INSC: variants seen among roughly 807,000 people sequenced by gnomAD.
INSC encodes the protein protein inscuteable homolog.
INSC carries 67 observed loss-of-function variants against 58.6 expected under a neutral mutation model. That is an observed-to-expected ratio of 1.14 (90% confidence interval 0.94 to 1.40). The LOEUF is 1.40. INSC is among the 40% of genes most tolerant of loss of function. The pLI is 0.00. For missense variants in INSC, 714 were observed against 692.0 expected (o/e 1.03, Z -0.36); for synonymous variants, 262 against 276.1 (o/e 0.95, Z 0.51).
At chr11:15,167,642 A>G (rs1849248413) in intron 2 of INSC, among the ~76,000 whole-genome samples, 1 of 151,592 alleles carries the variant, frequency 6.6e-6, no homozygotes, top group Non-Finnish European at 1.5e-5. Context: ...GCTAATTATT[A>G]TTAATAATAA....
intron 7 of INSC, among the ~76,000 whole-genome samples, chr11:15,212,136 CTG>C (rs1851050860): frequency 6.6e-6 from 1 of 152,052 alleles, no homozygotes; most frequent in South Asian, 2.1e-4. Context: ...GAGTCTCACT[CTG>C]TCGCCCAGGC....
At chr11:15,200,766 A>G in intron 6 of INSC, 58 bp from the exon 7 acceptor site, 1 of 1,607,026 alleles carries the variant, frequency 6.2e-7, no homozygotes, top group South Asian at 1.1e-5. Context: ...CTTATTCTTG[A>G]GTTAGCCCCA....
rs966189592 is a variant in INSC, at chr11:15,246,190, G to A, written c.*150G>A. On this transcript the variant is annotated 3_prime_UTR_variant, in exon 13 of 13. Transcript: ENST00000379556. ...GAAATAAATGGAGGACAAAATCTTA[G>A]AGCAACATCATCAAACAGTCTTTGG... 1.4e-6 allele frequency: 1 copy of A among 706,782 alleles called. No individual in the cohort carries two copies. The allele number at this position is 706,782 out of a possible 1,614,324, so 43.8% of individuals were successfully genotyped here.
intron 8 of INSC, among the ~76,000 whole-genome samples, chr11:15,223,887 G>A (rs1330486649): frequency 1.3e-5 from 2 of 152,204 alleles, no homozygotes; most frequent in East Asian, 1.9e-4. Flanking sequence ...TGGGCTGTGG[G>A]GAGCAACATT....
At chr11:15,145,778 C>A (rs1302973894) in intron 1 of INSC, among the ~76,000 whole-genome samples, 1 of 152,158 alleles carries the variant, frequency 6.6e-6, no homozygotes, top group African/African-American at 2.4e-5. Flanking sequence ...TGAGGGCTGG[C>A]ACTAGGTGAA....
At chr11:15,159,931 T>C (rs1848956502) in intron 2 of INSC, among the ~76,000 whole-genome samples, 1 of 152,214 alleles carries the variant, frequency 6.6e-6, no homozygotes, top group South Asian at 2.1e-4. Context: ...GACAGCAGCA[T>C]AGGTTATTAT....
chr11:15,126,590 G>A (rs1387877057), intron 1 of INSC, among the ~76,000 whole-genome samples: 1 of 152,170 alleles, frequency 6.6e-6, no homozygotes, highest in Non-Finnish European at 1.5e-5. Flanking sequence ...CACAGTAGGG[G>A]CATATATTGT....
chr11:15,258,117 C>T, the INSC span, among the ~76,000 whole-genome samples: 113,751 of 152,130 alleles, frequency 0.75, 42,645 homozygotes, highest in Middle Eastern at 0.81. Flanking sequence ...AGTAGACATA[C>T]GGGTGTTTGT....
At chr11:15,173,271 A>G (rs763678340) in intron 2 of INSC, among the ~76,000 whole-genome samples, 4 of 152,232 alleles carry the variant, frequency 2.6e-5, no homozygotes, top group East Asian at 1.9e-4. Context: ...ATGTGTATAT[A>G]CTATGGTCAT....
the INSC span, among the ~76,000 whole-genome samples, chr11:15,255,803 G>A: frequency 6.6e-6 from 1 of 151,302 alleles, no homozygotes; most frequent in African/African-American, 2.4e-5. Flanking sequence ...AAACTGTGCA[G>A]CCCAAATATA....
At chr11:15,119,555 G>T (rs1847818141) in intron 1 of INSC, among the ~76,000 whole-genome samples, 1 of 152,214 alleles carries the variant, frequency 6.6e-6, no homozygotes. Context: ...CTGGGTAGTT[G>T]TGTATACTGT....
chr11:15,113,119 CTCTT>C (rs746409775), upstream of INSC, among the ~76,000 whole-genome samples: 845 of 73,290 alleles, frequency 0.012, 15 homozygotes, highest in Middle Eastern at 0.019. Context: ...TTCTCTCTCT[CTCTT>C]TCTTTCTTTC....
At position 15,210,218 on chromosome 11, in the gene INSC, C is replaced by T. The variant is rs910954933; in HGVS notation, c.819+9269C>T. ...CATTTGCCACTGATTTGCTAAGTGACCACAGGGAAGTTTTCTAATCCCTAT... is the reference window on the plus strand; with the variant it reads ...CATTTGCCACTGATTTGCTAAGTGATCACAGGGAAGTTTTCTAATCCCTAT... On this transcript the variant is annotated intron_variant, in intron 7 of 12. Coordinates refer to ENST00000379556, the MANE Select transcript of INSC (RefSeq NM_001042536.3). Among the ~76,000 whole-genome samples the T allele has an allele frequency of 7.9e-5, 12 of 152,290 alleles. No individual in the cohort carries two copies. The East Asian group carries it at 1.9e-3, about 25-fold the overall frequency.
intron 9 of INSC, among the ~76,000 whole-genome samples, chr11:15,229,991 ATATATATATAT>A (rs1183319206): frequency 7.0e-5 from 2 of 28,494 alleles, no homozygotes; most frequent in Admixed American, 1.3e-3. Context: ...ATATATATAT[ATATATATATAT>A]ATATATATAT....
chr11:15,124,168 C>A (rs1367760930), intron 1 of INSC, among the ~76,000 whole-genome samples: 1 of 152,210 alleles, frequency 6.6e-6, no homozygotes, highest in East Asian at 1.9e-4. Context: ...AAGGCTAATG[C>A]ATTATCTTCA....
At chr11:15,261,224 T>G in the INSC span, among the ~76,000 whole-genome samples, 1 of 152,222 alleles carries the variant, frequency 6.6e-6, no homozygotes, top group Non-Finnish European at 1.5e-5. Flanking sequence ...TGCCTGGTTC[T>G]GATCCAGGTT....
intron 1 of INSC, among the ~76,000 whole-genome samples, chr11:15,144,911 T>C (rs1311008978): frequency 6.6e-6 from 1 of 152,172 alleles, no homozygotes; most frequent in African/African-American, 2.4e-5. Flanking sequence ...GTCTTTCTTG[T>C]AAACTAGTCA....
At chr11:15,257,471 CAT>C in the INSC span, among the ~76,000 whole-genome samples, 1 of 152,032 alleles carries the variant, frequency 6.6e-6, no homozygotes, top group Non-Finnish European at 1.5e-5. Flanking sequence ...ATGGAAAAAT[CAT>C]ATGTTGTTAA....
chr11:15,194,547 G>T (rs1850301356), intron 6 of INSC, among the ~76,000 whole-genome samples: 1 of 152,202 alleles, frequency 6.6e-6, no homozygotes. Flanking sequence ...CACGGTAAAT[G>T]CTTGTCAACT....
Sources: allele counts gnomAD v4.1 joint callset (sites outside exome capture counted in the v4.1 genomes callset), GRCh38; gene constraint gnomAD v4.1.1; transcripts MANE v1.5; gene names NCBI Gene and HGNC (gene_info 2026-07-23, HGNC 2026-07-21).